Variants in RAPGEF1 observed in about 807,000 individuals in gnomAD.
RAPGEF1 encodes the protein CRK SH3-binding GNRP.
In RAPGEF1, 33 loss-of-function variants were observed where a neutral mutation model predicts 143.3. That is an observed-to-expected ratio of 0.23 (90% CI 0.17 to 0.31). The LOEUF (loss-of-function observed/expected upper bound fraction) is 0.31, where lower values mean the gene tolerates loss of function less well. RAPGEF1 is among the 10% of genes least tolerant of loss of function. RAPGEF1 has a pLI of 1.00. For synonymous variants in RAPGEF1, 629 were observed against 676.5 expected (o/e 0.93, Z 1.09); for missense variants, 1,199 against 1,645.4 (o/e 0.73, Z 4.69).
chr9:131,608,991 C>G (rs909818211), intron 12 of RAPGEF1, among the ~76,000 whole-genome samples: 6 of 152,196 alleles, frequency 3.9e-5, no homozygotes, highest in African/African-American at 1.4e-4. Context: ...AGCTGCTGCT[C>G]TCTGTGCAGC....
At chr9:131,619,482 C>T (rs1960096183) in intron 11 of RAPGEF1, among the ~76,000 whole-genome samples, 1 of 152,184 alleles carries the variant, frequency 6.6e-6, no homozygotes, top group African/African-American at 2.4e-5. Flanking sequence ...GGGGCTGGAG[C>T]CACACAGAAC....
intron 1 of RAPGEF1, among the ~76,000 whole-genome samples, chr9:131,694,526 AGGCT>A (rs1833998948): frequency 6.6e-6 from 1 of 152,194 alleles, no homozygotes; most frequent in African/African-American, 2.4e-5. Flanking sequence ...AATGAACCCA[AGGCT>A]GGCACGCTCT....
rs1972521760 is a variant in RAPGEF1 at position 131,656,546 on chromosome 9, G to A, written c.62-5597C>T. Among the ~76,000 whole-genome samples the A allele has an allele frequency of 2.0e-5, 3 of 152,138 alleles. No individual in the cohort carries two copies. In the South Asian group the frequency reaches 6.2e-4, roughly 31 times the overall value. On this transcript the variant is annotated intron_variant, in intron 1 of 26. Transcript: ENST00000683357. ...ACAAATGGGGAAGTCTGGGCAGGAT[G>A]CGTGGGTTCTCTGGTGCTCAAAGAT...
chr9:131,598,101 A>G, intron 16 of RAPGEF1, 98 bp downstream of exon 16: 6 of 1,052,462 alleles, frequency 5.7e-6, no homozygotes, highest in Non-Finnish European at 8.5e-6. Flanking sequence ...TAAGCCTCCT[A>G]GGGTTGTTCT....
At position 131,628,534 on chromosome 9, in the gene RAPGEF1, C is replaced by G. The variant is rs777103180; in HGVS notation, c.1017+15G>C. The G allele has an allele frequency of 6.2e-7, 1 of 1,610,982 alleles. No homozygotes were observed. The highest frequency in any genetic ancestry group is 8.5e-7 in the Non-Finnish European group (1 of 1,177,596). ...CCTCCCTGCCTTCCCATGCAGGGAACAGGGGCTGCATTACCTGCCTATTGA... is the reference window on the plus strand; with the variant it reads ...CCTCCCTGCCTTCCCATGCAGGGAAGAGGGGCTGCATTACCTGCCTATTGA... On this transcript the variant is annotated intron_variant, in intron 8 of 26. Transcript: ENST00000683357. This position sits in a 1 kb window ranked among gnomAD's most constrained non-coding sequence, Gnocchi z 5.7.
intron 1 of RAPGEF1, among the ~76,000 whole-genome samples, chr9:131,706,641 T>C (rs899431803): frequency 1.3e-5 from 2 of 152,120 alleles, no homozygotes; most frequent in African/African-American, 4.8e-5. Flanking sequence ...AAGCAACCTT[T>C]CAAGAAAAAG....
intron 1 of RAPGEF1, among the ~76,000 whole-genome samples, chr9:131,726,836 CAA>C: frequency 6.6e-6 from 1 of 151,750 alleles, no homozygotes; most frequent in Non-Finnish European, 1.5e-5. Context: ...CCTGTCTCTA[CAA>C]AAAAAATTTT....
intron 4 of RAPGEF1, among the ~76,000 whole-genome samples, chr9:131,642,611 T>C (rs888196216): frequency 6.6e-6 from 1 of 152,238 alleles, no homozygotes; most frequent in Non-Finnish European, 1.5e-5. Context: ...AGGCCCGCCC[T>C]GGACCCAATA....
At chr9:131,665,540 A>C (rs980163460) in intron 1 of RAPGEF1, among the ~76,000 whole-genome samples, 1 of 151,976 alleles carries the variant, frequency 6.6e-6, no homozygotes, top group Non-Finnish European at 1.5e-5. Context: ...AGTCCTTATA[A>C]GAGCTAAGTC....
At chr9:131,656,194 GCAA>G (rs1292865100) in intron 1 of RAPGEF1, among the ~76,000 whole-genome samples, 39 of 152,156 alleles carry the variant, frequency 2.6e-4, no homozygotes, top group African/African-American at 8.4e-4. Context: ...CAGTTATTCT[GCAA>G]CACTGAACAT....
intron 1 of RAPGEF1, among the ~76,000 whole-genome samples, chr9:131,705,224 C>T (rs7853122): frequency 0.87 from 132,457 of 152,220 alleles, 57,907 homozygotes; most frequent in African/African-American, 0.95. Context: ...TACCCTTCTT[C>T]ATACCAGCAG....
chr9:131,669,159 C>T (rs559286813), intron 1 of RAPGEF1, among the ~76,000 whole-genome samples: 1 of 152,322 alleles, frequency 6.6e-6, no homozygotes, highest in South Asian at 2.1e-4. Flanking sequence ...ACCTCTGCTG[C>T]GCTAGCCCTG....
At chr9:131,640,084 G>A (rs1967433897) in intron 4 of RAPGEF1, among the ~76,000 whole-genome samples, 2 of 152,234 alleles carry the variant, frequency 1.3e-5, no homozygotes, top group African/African-American at 4.8e-5. Flanking sequence ...AAGATTATAT[G>A]GATGAAAAGT....
At position 131,579,278 on chromosome 9, in the gene RAPGEF1, G is replaced by A. The variant is rs922174859; in HGVS notation, c.*219C>T. 1.4e-5 allele frequency: 8 copies of A among 585,670 alleles called. No homozygotes were observed. In the African/African-American group the frequency reaches 1.5e-4, roughly 11 times the overall value. 36.3% of individuals were successfully genotyped at this position (585,670 alleles called of 1,614,324 possible). A position where few individuals can be genotyped will look rare whatever the true frequency, so the allele number is the denominator to read the frequency against. ...TGTAAATTGGCAACAAGACCTGCCTGCTGGCTGCCCTGAGGCCCACGGGTC... is the reference window on the plus strand; with the variant it reads ...TGTAAATTGGCAACAAGACCTGCCTACTGGCTGCCCTGAGGCCCACGGGTC... On this transcript the variant is annotated 3_prime_UTR_variant, in exon 27 of 27. Transcript: ENST00000683357.
intron 1 of RAPGEF1, among the ~76,000 whole-genome samples, chr9:131,694,846 G>A (rs113176179): frequency 3.4e-4 from 50 of 145,952 alleles, no homozygotes; most frequent in African/African-American, 1.1e-3. Context: ...TGTGCACAAC[G>A]TGCAGGTTAG....
At chr9:131,596,514 A>G (rs1955316145) in intron 16 of RAPGEF1, 141 bp from the exon 17 acceptor site, 6 of 857,716 alleles carry the variant, frequency 7.0e-6, no homozygotes, top group Non-Finnish European at 1.1e-5. Context: ...TCGGCCCAGG[A>G]GCAGTGTGGC....
In RAPGEF1 at chr9:131,739,810, GA is replaced by G; in HGVS notation, c.20del (p.Leu7ProfsTer26). The G allele has an allele frequency of 8.7e-7, 1 of 1,147,848 alleles. No individual in the cohort carries two copies. Among genetic ancestry groups the G allele is most frequent in the Non-Finnish European group, 1.1e-6 (1 of 918,028 alleles). The allele number at this position is 1,147,848 out of a possible 1,614,324, so 71.1% of individuals were successfully genotyped here. A position where few individuals can be genotyped will look rare whatever the true frequency, so the allele number is the denominator to read the frequency against. Reference protein sequence around the residue: MSGGLGLRRSPEMSGKI... With the variant: MSGGLGXRRSPEMSGKI... ...TGCCGGACATTTCCGGGCTGCGCCGGAGGCCGAGGCCGCCGCTCATCGGGCC... is the reference window on the plus strand; with the variant it reads ...TGCCGGACATTTCCGGGCTGCGCCGGGGCCGAGGCCGCCGCTCATCGGGCC... On this transcript the variant is annotated frameshift_variant, in exon 1 of 27. Transcript: ENST00000683357. LOFTEE classifies it high-confidence loss of function.
chr9:131,738,469 G>C (rs937643269), intron 1 of RAPGEF1, among the ~76,000 whole-genome samples: 1 of 152,058 alleles, frequency 6.6e-6, no homozygotes, highest in Non-Finnish European at 1.5e-5. Flanking sequence ...AATTCAGTGA[G>C]AAAAATACTC....
chr9:131,733,692 G>T (rs929447132), intron 1 of RAPGEF1, among the ~76,000 whole-genome samples: 1 of 152,322 alleles, frequency 6.6e-6, no homozygotes, highest in East Asian at 1.9e-4. Context: ...CGCGGGGTGG[G>T]GCAGGCGGTG....
Sources: gnomAD v4.1 joint callset for allele counts (sites outside exome capture counted in the v4.1 genomes callset) on GRCh38, gnomAD v4.1.1 for gene constraint, Gnocchi (gnomAD v3.1) non-coding constraint, MANE v1.5 for transcripts, NCBI Gene and HGNC (gene_info 2026-07-23, HGNC 2026-07-21) for gene names.